The following TRPM7 variants were observed in gnomAD, a reference collection of about 807,000 sequenced individuals.
TRPM7 encodes the protein transient receptor potential cation channel subfamily M member 7, also known as LTRPC ion channel family member 7.
A neutral mutation model predicts 229.7 loss-of-function variants in TRPM7; 134 were observed. The observed-to-expected ratio is 0.58, with a 90% CI of 0.51 to 0.67. TRPM7 has a LOEUF of 0.67. TRPM7 is among the 30% of genes least tolerant of loss of function. The pLI is 0.00. For missense variants in TRPM7, 1,901 were observed against 2,210.0 expected (o/e 0.86, Z 2.80); for synonymous variants, 699 against 715.2 (o/e 0.98, Z 0.36).
intron 11 of TRPM7, among the ~76,000 whole-genome samples, chr15:50,626,324 C>A (rs1009408459): frequency 6.6e-6 from 1 of 151,768 alleles, no homozygotes; most frequent in African/African-American, 2.4e-5. Flanking sequence ...GGGGATATAA[C>A]AAAATATTGT....
At chr15:50,621,651 C>T (rs2060410672) in intron 12 of TRPM7, among the ~76,000 whole-genome samples, 1 of 152,146 alleles carries the variant, frequency 6.6e-6, no homozygotes, top group South Asian at 2.1e-4. Flanking sequence ...ATACGAGAAT[C>T]CAGCTGCTTT....
At chr15:50,578,506 A>T (rs2054244508) in intron 31 of TRPM7, 133 bp downstream of exon 31, 2 of 642,234 alleles carry the variant, frequency 3.1e-6, no homozygotes, top group Admixed American at 2.6e-5. Flanking sequence ...TATATGAGGG[A>T]AGAACTCTTC....
chr15:50,608,644 T>C (rs1044289669), intron 19 of TRPM7, among the ~76,000 whole-genome samples: 7 of 152,196 alleles, frequency 4.6e-5, no homozygotes, highest in Non-Finnish European at 2.9e-5. Context: ...AACATTTTCA[T>C]ATAGAGGTGT....
At chr15:50,626,496 G>A (rs1270209221) in intron 11 of TRPM7, among the ~76,000 whole-genome samples, 1 of 152,114 alleles carries the variant, frequency 6.6e-6, no homozygotes, top group African/African-American at 2.4e-5. Context: ...CAAGCAAGAA[G>A]AAAGAAGAAA....
chr15:50,665,992 C>A (rs540648700), intron 1 of TRPM7, among the ~76,000 whole-genome samples: 1 of 150,702 alleles, frequency 6.6e-6, no homozygotes, highest in East Asian at 2.0e-4. Flanking sequence ...GACTCTCTCT[C>A]AAAAAATAAT....
intron 36 of TRPM7, among the ~76,000 whole-genome samples, chr15:50,570,853 C>T (rs1222375948): frequency 1.5e-5 from 2 of 134,734 alleles, no homozygotes. Flanking sequence ...AAATTCGTCT[C>T]AAAAAAAAAA....
At chr15:50,660,164 C>T (rs184638265) in intron 2 of TRPM7, among the ~76,000 whole-genome samples, 8 of 151,952 alleles carry the variant, frequency 5.3e-5, no homozygotes, top group Non-Finnish European at 7.4e-5. Flanking sequence ...ATATCTTTAA[C>T]AAGTAGTAAG....
chr15:50,592,759 G>C (rs1281439969), intron 25 of TRPM7, 133 bp from the exon 26 acceptor site: 1 of 628,020 alleles, frequency 1.6e-6, no homozygotes, highest in East Asian at 2.8e-5. Context: ...ATAAGGTACA[G>C]TTATTTAATT....
Position 50,594,627 on chromosome 15 carries a change from G to T in TRPM7, c.3291-14C>A, listed in dbSNP as rs757414176. On this transcript the variant is annotated splice_polypyrimidine_tract_variant and intron_variant, in intron 23 of 38. Coordinates refer to ENST00000646667, the MANE Select transcript of TRPM7 (RefSeq NM_017672.6). Reference sequence around the variant, plus strand: ...AAATACACATTGCTAGAGAAATAATGAATAAAAATAAAATAAACTTTGTTA... The same window carrying T: ...AAATACACATTGCTAGAGAAATAATTAATAAAAATAAAATAAACTTTGTTA... The T allele has an allele frequency of 1.3e-6, 2 of 1,514,548 alleles. No homozygotes were observed. The highest frequency in any genetic ancestry group is 2.5e-5 in the South Asian group (2 of 79,730). The allele number at this position is 1,514,548 out of a possible 1,614,324, so 93.8% of individuals were successfully genotyped here.
At chr15:50,627,639 C>G (rs928595230) in intron 11 of TRPM7, among the ~76,000 whole-genome samples, 1 of 152,064 alleles carries the variant, frequency 6.6e-6, no homozygotes, top group African/African-American at 2.4e-5. Flanking sequence ...AAAAAGTATG[C>G]TACCGAAATA....
chr15:50,639,329 A>G, intron 6 of TRPM7, 95 bp downstream of exon 6: 1 of 1,106,486 alleles, frequency 9.0e-7, no homozygotes, highest in Non-Finnish European at 1.2e-6. Flanking sequence ...TGAAAAGTAT[A>G]ATATAATCAT....
chr15:50,606,820 C>T (rs2059930182), intron 20 of TRPM7, among the ~76,000 whole-genome samples: 1 of 152,126 alleles, frequency 6.6e-6, no homozygotes, highest in Non-Finnish European at 1.5e-5. Flanking sequence ...TTATAACTTA[C>T]CTACCTAATT....
intron 16 of TRPM7, among the ~76,000 whole-genome samples, chr15:50,612,225 G>C (rs1282677878): frequency 6.6e-6 from 1 of 151,996 alleles, no homozygotes; most frequent in South Asian, 2.1e-4. Flanking sequence ...TGAGTAGCTG[G>C]GACCACAGAC....
chr15:50,581,265 G>A (rs763572282), intron 29 of TRPM7, among the ~76,000 whole-genome samples: 18 of 151,988 alleles, frequency 1.2e-4, no homozygotes, highest in Non-Finnish European at 1.8e-4. Context: ...TTGGGAGGCC[G>A]AGGTGGGTGG....
intron 1 of TRPM7, among the ~76,000 whole-genome samples, chr15:50,669,615 T>A (rs549025566): frequency 6.6e-6 from 1 of 152,204 alleles, no homozygotes; most frequent in African/African-American, 2.4e-5. Flanking sequence ...CTATAACTTG[T>A]CTTTAGTAAA....
Position 50,594,591 on chromosome 15 carries a change from C to T in TRPM7, c.3313G>A (p.Ala1105Thr). ...TACTTCCATACAATATTGGAAATTG[C>T]CTTCACTTGTAAATACACATTGCTA... ...FFNNVYLQVKAISNIVWKYQR... is the reference protein window; with the variant it reads ...FFNNVYLQVKTISNIVWKYQR... The change falls in exon 24 of 39, where the codon GCA becomes ACA. Residue 1105 changes from alanine to threonine, a missense_variant. Physicochemically the swap from Ala to Thr is moderately conservative, Grantham distance 58. Transcript: ENST00000646667. 1.9e-6 allele frequency: 3 copies of T among 1,601,246 alleles called. No homozygotes were observed. Among genetic ancestry groups the T allele is most frequent in the Non-Finnish European group, 2.6e-6 (3 of 1,175,414 alleles).
At chr15:50,655,329 T>C (rs2061531257) in intron 3 of TRPM7, among the ~76,000 whole-genome samples, 1 of 148,782 alleles carries the variant, frequency 6.7e-6, no homozygotes, top group Non-Finnish European at 1.5e-5. Context: ...GCTACTCAGA[T>C]GGCTGAGGCA....
chr15:50,614,010 G>T, intron 14 of TRPM7, 113 bp downstream of exon 14: 1 of 1,341,708 alleles, frequency 7.5e-7, no homozygotes, highest in Non-Finnish European at 1.0e-6. Context: ...AGTTGAAAAT[G>T]TTCAACTTTA....
chr15:50,576,474 C>T (rs535697936), intron 31 of TRPM7, among the ~76,000 whole-genome samples: 1 of 152,194 alleles, frequency 6.6e-6, no homozygotes, highest in Admixed American at 6.5e-5. Flanking sequence ...AGTTAGCCAA[C>T]AGTTTTAATA....
Sources: allele counts gnomAD v4.1 joint callset (sites outside exome capture counted in the v4.1 genomes callset), GRCh38; gene constraint gnomAD v4.1.1; transcripts MANE v1.5; gene names NCBI Gene and HGNC (gene_info 2026-07-23, HGNC 2026-07-21).